SCFD2: variants seen among roughly 807,000 people sequenced by gnomAD.
SCFD2 encodes sec1 family domain-containing protein 2.
A neutral mutation model predicts 58.9 loss-of-function variants in SCFD2; 54 were observed. The ratio of observed to expected loss-of-function variants is 0.92; its 90% CI spans 0.74 to 1.15. SCFD2 has a LOEUF of 1.15. Among genes scored for constraint, SCFD2 ranks in the 50% most tolerant of loss-of-function variants. The probability of loss-of-function intolerance (pLI) is 0.00; values close to 1 mark genes in which losing one functional copy is unlikely to be tolerated. For synonymous variants in SCFD2, 321 were observed against 335.9 expected (o/e 0.96, Z 0.49); for missense variants, 805 against 836.6 (o/e 0.96, Z 0.47).
At chr4:53,012,827 TG>T (rs1722126377) in intron 5 of SCFD2, among the ~76,000 whole-genome samples, 2 of 99,026 alleles carry the variant, frequency 2.0e-5, no homozygotes, top group Admixed American at 1.0e-4. Flanking sequence ...TGTGTGTGTG[TG>T]TGTGTGTGTT....
At chr4:53,315,664 G>T (rs2061236769) in intron 2 of SCFD2, among the ~76,000 whole-genome samples, 1 of 152,144 alleles carries the variant, frequency 6.6e-6, no homozygotes, top group South Asian at 2.1e-4. Flanking sequence ...AGAATTCTGA[G>T]CATGGGAGTT....
chr4:53,343,176 T>C (rs1416987233), intron 2 of SCFD2, among the ~76,000 whole-genome samples: 1 of 151,832 alleles, frequency 6.6e-6, no homozygotes, highest in Non-Finnish European at 1.5e-5. Context: ...CAGGAGCTGG[T>C]TTTCTGAAAA....
At chr4:53,255,552 C>A (rs1210917206) in intron 4 of SCFD2, among the ~76,000 whole-genome samples, 2 of 152,082 alleles carry the variant, frequency 1.3e-5, no homozygotes, top group Non-Finnish European at 2.9e-5. Context: ...TCAACAGGAT[C>A]CCAAGGCAGA....
chr4:53,332,502 G>A (rs1317965486), intron 2 of SCFD2, among the ~76,000 whole-genome samples: 1 of 152,124 alleles, frequency 6.6e-6, no homozygotes, highest in East Asian at 1.9e-4. Context: ...AAAACCACAT[G>A]ATTATCTCAA....
intron 4 of SCFD2, among the ~76,000 whole-genome samples, chr4:53,258,529 G>A (rs1184027426): frequency 9.7e-6 from 1 of 102,818 alleles, no homozygotes; most frequent in African/African-American, 4.4e-5. Flanking sequence ...CGTATTCCAT[G>A]GTGTGTGTGT....
chr4:53,048,784 A>C (rs778278575), intron 5 of SCFD2, among the ~76,000 whole-genome samples: 1 of 152,004 alleles, frequency 6.6e-6, no homozygotes, highest in Non-Finnish European at 1.5e-5. Flanking sequence ...TGCTGCCTGC[A>C]TTCCTCCAAC....
chr4:52,956,042 A>T (rs1293765034), intron 5 of SCFD2: 1 of 456,658 alleles, frequency 2.2e-6, no homozygotes, highest in East Asian at 7.0e-5. Context: ...TTGTTGGTGA[A>T]GAGAAAGCTA....
chr4:52,891,958 G>A (rs1336990889), intron 7 of SCFD2, among the ~76,000 whole-genome samples: 2 of 152,154 alleles, frequency 1.3e-5, no homozygotes, highest in Non-Finnish European at 2.9e-5. Context: ...TCTGGCCCCT[G>A]ATCTTCTCCC....
At chr4:53,253,095 T>G (rs1265243904) in intron 4 of SCFD2, among the ~76,000 whole-genome samples, 1 of 152,056 alleles carries the variant, frequency 6.6e-6, no homozygotes, top group Admixed American at 6.6e-5. Flanking sequence ...AACAGACACT[T>G]CTCAAAAGAA....
chr4:53,249,457 A>G (rs10012944), intron 4 of SCFD2, among the ~76,000 whole-genome samples: 151,509 of 152,206 alleles, frequency 1, 75,409 homozygotes, highest in Middle Eastern at 1. Flanking sequence ...TACATAGAAC[A>G]CCACAAAGAT....
At chr4:53,038,019 A>C (rs1436841341) in intron 5 of SCFD2, among the ~76,000 whole-genome samples, 1 of 152,156 alleles carries the variant, frequency 6.6e-6, no homozygotes, top group Admixed American at 6.5e-5. Context: ...TTAAGTCTGC[A>C]TTCAGTGAAA....
intron 5 of SCFD2, among the ~76,000 whole-genome samples, chr4:53,073,624 A>G (rs1308260963): frequency 2.0e-5 from 3 of 152,162 alleles, no homozygotes; most frequent in Non-Finnish European, 4.4e-5. Flanking sequence ...CTGCCAAAAG[A>G]TCTGCAGACA....
At chr4:53,149,313 T>G (rs982251056) in intron 4 of SCFD2, among the ~76,000 whole-genome samples, 3 of 152,094 alleles carry the variant, frequency 2.0e-5, no homozygotes, top group Non-Finnish European at 4.4e-5. Context: ...CAAACCAAAA[T>G]GATAAGCACA....
intron 5 of SCFD2, among the ~76,000 whole-genome samples, chr4:53,116,164 G>T (rs1725312437): frequency 6.6e-6 from 1 of 152,134 alleles, no homozygotes; most frequent in African/African-American, 2.4e-5. Flanking sequence ...GTTTTCATTT[G>T]TATATGAACA....
At chr4:52,918,377 T>C (rs1341633309) in intron 6 of SCFD2, among the ~76,000 whole-genome samples, 1 of 152,162 alleles carries the variant, frequency 6.6e-6, no homozygotes, top group African/African-American at 2.4e-5. Flanking sequence ...TTACTAAGCA[T>C]CCACTATGTG....
At chr4:53,160,377 T>C (rs996552936) in intron 4 of SCFD2, among the ~76,000 whole-genome samples, 1 of 152,182 alleles carries the variant, frequency 6.6e-6, no homozygotes, top group African/African-American at 2.4e-5. Context: ...ACAATGGGGC[T>C]TGGATCAAGG....
intron 7 of SCFD2, among the ~76,000 whole-genome samples, chr4:52,898,394 C>T (rs1394769969): frequency 6.6e-6 from 1 of 152,156 alleles, no homozygotes; most frequent in Non-Finnish European, 1.5e-5. Flanking sequence ...TTATTTCTGC[C>T]TTCATTTCGT....
At chr4:53,087,716 A>G (rs186428722) in intron 5 of SCFD2, among the ~76,000 whole-genome samples, 1,702 of 142,030 alleles carry the variant, frequency 0.012, 16 homozygotes, top group Middle Eastern at 0.044. Flanking sequence ...CTGGAGTACA[A>G]TGGCATGATC....
chr4:53,135,671 G>A (rs1206154168), intron 5 of SCFD2, among the ~76,000 whole-genome samples: 2 of 152,096 alleles, frequency 1.3e-5, no homozygotes, highest in African/African-American at 4.8e-5. Flanking sequence ...GAATCCAGGA[G>A]GCAGAGGTTG....
Sources: gnomAD v4.1 joint callset for allele counts (sites outside exome capture counted in the v4.1 genomes callset) on GRCh38, gnomAD v4.1.1 for gene constraint, MANE v1.5 for transcripts, NCBI Gene and HGNC (gene_info 2026-07-23, HGNC 2026-07-21) for gene names.